PIK3C2G: variants seen among roughly 807,000 people sequenced by gnomAD.
PIK3C2G encodes the protein phosphatidylinositol 3-kinase C2 domain-containing subunit gamma.
A neutral mutation model predicts 181.1 loss-of-function variants in PIK3C2G; 168 were observed. The observed-to-expected ratio is 0.93, with a 90% CI of 0.82 to 1.05. The LOEUF (loss-of-function observed/expected upper bound fraction) is 1.05. Among genes scored for constraint, PIK3C2G ranks in the 50% least tolerant of loss-of-function variants. The probability of loss-of-function intolerance (pLI) is 0.00; values close to 1 mark genes in which losing one functional copy is unlikely to be tolerated. For missense variants in PIK3C2G, 1,869 were observed against 1,732.8 expected (o/e 1.08, Z -1.40); for synonymous variants, 573 against 592.2 (o/e 0.97, Z 0.47).
At chr12:18,638,878 C>A (rs970001712) in intron 31 of PIK3C2G, among the ~76,000 whole-genome samples, 1 of 151,016 alleles carries the variant, frequency 6.6e-6, no homozygotes, top group East Asian at 2.0e-4. Context: ...GGCAGGATAT[C>A]CTCAAGTTCC....
At chr12:18,292,230 ATATATAT>A (rs1949741965) in intron 4 of PIK3C2G, among the ~76,000 whole-genome samples, 5 of 98,320 alleles carry the variant, frequency 5.1e-5, no homozygotes, top group South Asian at 3.0e-4. Flanking sequence ...AAAAAAAAAT[ATATATAT>A]ATATATATAT....
chr12:18,570,229 A>C (rs1441258169), intron 29 of PIK3C2G, among the ~76,000 whole-genome samples: 1 of 145,528 alleles, frequency 6.9e-6, no homozygotes, highest in Non-Finnish European at 1.5e-5. Context: ...TTTTTTTTTG[A>C]GATGGAGTTT....
chr12:18,435,977 A>C (rs1946423692), intron 18 of PIK3C2G, among the ~76,000 whole-genome samples: 1 of 152,102 alleles, frequency 6.6e-6, no homozygotes, highest in Admixed American at 6.6e-5. Flanking sequence ...AAAAAAAAAA[A>C]AAAACCCTGA....
intron 1 of PIK3C2G, among the ~76,000 whole-genome samples, chr12:18,248,944 G>C (rs1429194420): frequency 6.6e-6 from 1 of 152,084 alleles, no homozygotes; most frequent in Non-Finnish European, 1.5e-5. Context: ...CTCTGACCCT[G>C]TAAGGTGCTT....
intron 13 of PIK3C2G, among the ~76,000 whole-genome samples, chr12:18,378,737 T>G (rs1193064546): frequency 6.6e-6 from 1 of 152,202 alleles, no homozygotes; most frequent in African/African-American, 2.4e-5. Flanking sequence ...AGAAGGCATT[T>G]ATGCAGCCAA....
intron 1 of PIK3C2G, among the ~76,000 whole-genome samples, chr12:18,275,024 T>G (rs1249649261): frequency 6.6e-6 from 1 of 152,200 alleles, no homozygotes; most frequent in Admixed American, 6.5e-5. Context: ...TATTCTCCAG[T>G]ATTTATTTTT....
the PIK3C2G span, among the ~76,000 whole-genome samples, chr12:18,681,235 T>A: frequency 6.6e-6 from 1 of 151,996 alleles, no homozygotes; most frequent in Non-Finnish European, 1.5e-5. Context: ...CATTATCAGT[T>A]GTAAAGAAGC....
chr12:18,646,546 A>G (rs1267499452), intron 32 of PIK3C2G, among the ~76,000 whole-genome samples: 3 of 152,166 alleles, frequency 2.0e-5, no homozygotes, highest in African/African-American at 7.2e-5. Context: ...CCTATGCTGT[A>G]CAAAGTACTG....
chr12:18,623,761 T>A (rs942702265), intron 31 of PIK3C2G, among the ~76,000 whole-genome samples: 1 of 151,730 alleles, frequency 6.6e-6, no homozygotes, highest in African/African-American at 2.4e-5. Context: ...TTTGCCTCCT[T>A]TGTTAAATTT....
intron 8 of PIK3C2G, 26 bp downstream of exon 8, chr12:18,325,124 T>G: frequency 7.5e-7 from 1 of 1,335,802 alleles, no homozygotes; most frequent in Non-Finnish European, 1.1e-6. Context: ...ACTTTATCCA[T>G]CAATTCAGTA....
intron 9 of PIK3C2G, among the ~76,000 whole-genome samples, chr12:18,341,414 G>A (rs553976254): frequency 1.2e-4 from 18 of 152,044 alleles, no homozygotes; most frequent in Admixed American, 3.3e-4. Flanking sequence ...TTTTAAACTC[G>A]TAATGTCTAA....
chr12:18,535,988 T>C (rs112190859), intron 24 of PIK3C2G, among the ~76,000 whole-genome samples: 6,047 of 152,032 alleles, frequency 0.04, 274 homozygotes, highest in African/African-American at 0.11. Flanking sequence ...AGGGATAGCA[T>C]TAGGAGATAT....
chr12:18,629,430 G>A (rs1405902441), intron 31 of PIK3C2G, among the ~76,000 whole-genome samples: 2 of 152,166 alleles, frequency 1.3e-5, no homozygotes, highest in Admixed American at 1.3e-4. Flanking sequence ...ACCCGGAGAG[G>A]TGATGAGGCA....
intron 24 of PIK3C2G, among the ~76,000 whole-genome samples, chr12:18,535,521 G>A (rs369029651): frequency 1.3e-5 from 2 of 151,988 alleles, no homozygotes; most frequent in African/African-American, 4.8e-5. Flanking sequence ...TCATGAACTT[G>A]AGCATAACTA....
chr12:18,619,485 A>G (rs7309835), intron 31 of PIK3C2G, among the ~76,000 whole-genome samples: 73,856 of 152,006 alleles, frequency 0.49, 18,799 homozygotes, highest in East Asian at 0.79. Flanking sequence ...TTCATCTTTT[A>G]TCACATAGGT....
At chr12:18,350,603 T>C (rs1043369961) in intron 11 of PIK3C2G, among the ~76,000 whole-genome samples, 1 of 152,146 alleles carries the variant, frequency 6.6e-6, no homozygotes, top group East Asian at 1.9e-4. Context: ...GTTTATGTCT[T>C]CCATTCATGT....
chr12:18,247,929 A>C (rs2136938880), exon 1 of PIK3C2G: 1 of 152,300 alleles, frequency 6.6e-6, no homozygotes, highest in East Asian at 1.9e-4. Flanking sequence ...TATCTGCCTA[A>C]GTAATTTATT....
chr12:18,562,243 T>A (rs1017232373), intron 26 of PIK3C2G, among the ~76,000 whole-genome samples: 2 of 152,180 alleles, frequency 1.3e-5, no homozygotes, highest in Non-Finnish European at 2.9e-5. Flanking sequence ...GCCATTCTCC[T>A]GCCTCAGGCT....
chr12:18,285,014 C>A (rs1348759071), intron 2 of PIK3C2G, among the ~76,000 whole-genome samples: 3 of 152,042 alleles, frequency 2.0e-5, no homozygotes, highest in Non-Finnish European at 4.4e-5. Flanking sequence ...AATTACAGAT[C>A]TAACAAGCTC....
Sources: allele counts gnomAD v4.1 joint callset (sites outside exome capture counted in the v4.1 genomes callset), GRCh38; gene constraint gnomAD v4.1.1; transcripts MANE v1.5; gene names NCBI Gene and HGNC (gene_info 2026-07-23, HGNC 2026-07-21).